The following MARCHF1 variants were observed in gnomAD, a reference collection of about 807,000 sequenced individuals.
The protein encoded by MARCHF1 is E3 ubiquitin-protein ligase MARCHF1.
A neutral mutation model predicts 54.2 loss-of-function variants in MARCHF1; 40 were observed. The observed-to-expected ratio is 0.74, with a 90% CI of 0.57 to 0.96. The LOEUF is 0.96. Ranked by LOEUF, MARCHF1 falls within the 40% of genes least tolerant of loss-of-function variation. The pLI is 0.00. For synonymous variants in MARCHF1, 236 were observed against 236.3 expected, an observed-to-expected ratio of 1.00 and a Z score of 0.01; for missense variants, 586 against 656.5, an observed-to-expected ratio of 0.89 and a Z score of 1.17.
intron 2 of MARCHF1, among the ~76,000 whole-genome samples, chr4:164,062,776 G>A (rs192143395): frequency 3.4e-4 from 52 of 152,098 alleles, no homozygotes; most frequent in Admixed American, 1.3e-3. Flanking sequence ...CGCCCGCCTC[G>A]GCCTCCCAAA....
intron 1 of MARCHF1, among the ~76,000 whole-genome samples, chr4:164,161,362 A>G (rs1397343400): frequency 6.6e-6 from 1 of 152,162 alleles, no homozygotes; most frequent in Non-Finnish European, 1.5e-5. Flanking sequence ...TGCCAGCATC[A>G]TGCTTCCTAT....
intron 3 of MARCHF1, among the ~76,000 whole-genome samples, chr4:163,956,923 C>A (rs1752243610): frequency 6.6e-6 from 1 of 151,954 alleles, no homozygotes. Context: ...TATGGCTAAC[C>A]CATCCTCACT....
chr4:164,241,524 C>A lies in MARCHF1; in HGVS notation c.-322-129862G>T, dbSNP rs543970547. On this transcript the variant is annotated intron_variant, in intron 1 of 9. Coordinates refer to ENST00000514618, the MANE Select transcript of MARCHF1 (RefSeq NM_001394959.1). The stretch of plus-strand genomic sequence containing the variant: ...AAGTGTTTGTGGTTTTGTCAAGAGG[C>A]CTAAAATCAAGAAATTTCTCTTTTC... Among the ~76,000 whole-genome samples, 576 of 152,224 alleles carry A rather than the reference C, an allele frequency of 3.8e-3. 4 individuals are homozygous for A. The highest frequency in any genetic ancestry group is 0.013 in the African/African-American group (544 of 41,534).
chr4:163,862,855 C>T (rs962612028), intron 3 of MARCHF1, among the ~76,000 whole-genome samples: 1 of 151,962 alleles, frequency 6.6e-6, no homozygotes, highest in African/African-American at 2.4e-5. Context: ...AATTGTGGTA[C>T]ATTCATACAT....
At chr4:163,757,833 C>T (rs1049522454) in intron 4 of MARCHF1, among the ~76,000 whole-genome samples, 33 of 152,094 alleles carry the variant, frequency 2.2e-4, no homozygotes, top group African/African-American at 8.0e-4. Context: ...GGTTGAGTTA[C>T]GCTAAGGACT....
At chr4:163,702,865 T>A (rs1169253390) in intron 4 of MARCHF1, among the ~76,000 whole-genome samples, 1 of 152,172 alleles carries the variant, frequency 6.6e-6, no homozygotes, top group East Asian at 1.9e-4. Flanking sequence ...ACGTTCTCTA[T>A]TGTTTCTACA....
chr4:164,294,105 T>C lies in MARCHF1; in HGVS notation c.-323+89765A>G, dbSNP rs150315629. ...TCCTACCCTCGACATTGGACTCCAA[T>C]TTCTTCAGCTTTTGGACTCTTGGAC... On this transcript the variant is annotated intron_variant, in intron 1 of 9. Transcript: ENST00000514618. 4.4e-3 allele frequency among the ~76,000 whole-genome samples: 668 copies of C among 151,860 alleles called. 4 individuals are homozygous for C. Among genetic ancestry groups the C allele is most frequent in the African/African-American group, 9.9e-3 (413 of 41,572 alleles).
intron 1 of MARCHF1, among the ~76,000 whole-genome samples, chr4:164,213,717 TAATA>T (rs567740439): frequency 2.2e-4 from 33 of 152,204 alleles, no homozygotes; most frequent in Middle Eastern, 3.4e-3. Context: ...TTAGATGACA[TAATA>T]AATTATAATA....
chr4:164,138,148 A>G (rs2110845348), intron 1 of MARCHF1, among the ~76,000 whole-genome samples: 1 of 152,254 alleles, frequency 6.6e-6, no homozygotes, highest in East Asian at 1.9e-4. Flanking sequence ...TTATTGGGCC[A>G]AATAAGACAT....
chr4:164,059,089 G>T (rs1754556970), intron 2 of MARCHF1, among the ~76,000 whole-genome samples: 1 of 152,152 alleles, frequency 6.6e-6, no homozygotes, highest in South Asian at 2.1e-4. Flanking sequence ...CATATGAGCT[G>T]GTTGTACTGA....
intron 1 of MARCHF1, among the ~76,000 whole-genome samples, chr4:164,281,453 T>C (rs556998574): frequency 2.0e-5 from 3 of 152,218 alleles, no homozygotes; most frequent in African/African-American, 4.8e-5. Flanking sequence ...TAAAATGCTT[T>C]CCTAGGGGGG....
intron 2 of MARCHF1, among the ~76,000 whole-genome samples, chr4:164,037,605 C>T (rs1437702406): frequency 1.3e-5 from 2 of 152,114 alleles, no homozygotes; most frequent in Non-Finnish European, 1.5e-5. Context: ...TGCAGAAACT[C>T]CACCCTCAAA....
chr4:163,895,646 C>T (rs1401740396), intron 3 of MARCHF1, among the ~76,000 whole-genome samples: 1 of 152,156 alleles, frequency 6.6e-6, no homozygotes, highest in African/African-American at 2.4e-5. Flanking sequence ...GCACCACAAA[C>T]TTAGCGAGGT....
intron 1 of MARCHF1, among the ~76,000 whole-genome samples, chr4:164,233,174 T>C (rs1732460926): frequency 1.3e-5 from 2 of 152,140 alleles, no homozygotes; most frequent in African/African-American, 4.8e-5. Context: ...ATAAATCCTA[T>C]CAGCAGGTTT....
intron 5 of MARCHF1, among the ~76,000 whole-genome samples, chr4:163,613,947 C>G (rs1381192063): frequency 6.6e-6 from 1 of 152,032 alleles, no homozygotes; most frequent in Non-Finnish European, 1.5e-5. Flanking sequence ...ACACTATTGG[C>G]CTTTCATATC....
chr4:164,074,480 A>G (rs1352907503), intron 2 of MARCHF1, among the ~76,000 whole-genome samples: 1 of 152,230 alleles, frequency 6.6e-6, no homozygotes, highest in Non-Finnish European at 1.5e-5. Flanking sequence ...CGGGAAATTT[A>G]TCCTCAGGAA....
chr4:163,664,840 C>T (rs146835900), intron 5 of MARCHF1, among the ~76,000 whole-genome samples: 149 of 151,864 alleles, frequency 9.8e-4, no homozygotes, highest in Non-Finnish European at 1.7e-3. Context: ...TTAGTGGGCA[C>T]AGTATACATA....
Position 164,323,431 on chromosome 4 carries a change from C to T in MARCHF1, c.-323+60439G>A, listed in dbSNP as rs562765803. Among the ~76,000 whole-genome samples the T allele has an allele frequency of 2.7e-5, 4 of 150,920 alleles. No homozygotes were observed. The East Asian group carries it at 5.8e-4, about 22-fold the overall frequency. On this transcript the variant is annotated intron_variant, in intron 1 of 9. Transcript: ENST00000514618. ...AATGCATATCTTTTAAAATAGTCCT[C>T]ATAAGAAAACAGAAATGTTAATTAC...
intron 1 of MARCHF1, among the ~76,000 whole-genome samples, chr4:164,176,975 T>A (rs1182216480): frequency 9.6e-5 from 2 of 20,728 alleles, no homozygotes; most frequent in Non-Finnish European, 2.3e-4. Context: ...TCTCTCTCTC[T>A]CTCTCTATAT....
Sources: allele counts gnomAD v4.1 joint callset (sites outside exome capture counted in the v4.1 genomes callset), GRCh38; gene constraint gnomAD v4.1.1; transcripts MANE v1.5; gene names NCBI Gene and HGNC (gene_info 2026-07-23, HGNC 2026-07-21).